The following VSTM2A variants were observed in gnomAD, a reference collection of about 807,000 sequenced individuals.
The protein encoded by VSTM2A is V-set and transmembrane domain-containing protein 2A.
In VSTM2A, 13 loss-of-function variants were observed where a neutral mutation model predicts 27.3. That is an observed-to-expected ratio of 0.48 (90% confidence interval 0.31 to 0.76). The LOEUF is 0.76. Among genes scored for constraint, VSTM2A ranks in the 30% least tolerant of loss-of-function variants. The probability of loss-of-function intolerance (pLI) is 0.05; values close to 1 mark genes in which losing one functional copy is unlikely to be tolerated. For missense variants in VSTM2A, 280 were observed against 310.0 expected (o/e 0.90, Z 0.73); for synonymous variants, 142 against 125.7 (o/e 1.13, Z -0.87).
At position 54,569,183 on chromosome 7, in the gene VSTM2A, A is replaced by T. The variant is rs1238538033; in HGVS notation, c.687A>T (p.Leu229=). ...KSTERTAKLT[L]NSKHHPAPTV... ...CGGAGCGGACAGCAAAGTTGACCCTAAACTCCAAGCACCACCCTGCACCCA... is the reference window on the plus strand; with the variant it reads ...CGGAGCGGACAGCAAAGTTGACCCTTAACTCCAAGCACCACCCTGCACCCA... The change falls in exon 5 of 5, where the codon CTA becomes CTT. Residue 229 remains leucine (L), a synonymous_variant. Coordinates refer to ENST00000402613, the MANE Select transcript of VSTM2A (RefSeq NM_001301009.2). 7.1e-6 allele frequency: 11 copies of T among 1,551,820 alleles called. No homozygotes were observed. The highest frequency in any genetic ancestry group is 9.6e-6 in the Non-Finnish European group (11 of 1,147,024).
chr7:54,548,239 T>C (rs1199141303), intron 3 of VSTM2A, among the ~76,000 whole-genome samples: 2 of 152,154 alleles, frequency 1.3e-5, no homozygotes, highest in Non-Finnish European at 2.9e-5. Flanking sequence ...GATGCATACA[T>C]TGAGAAACAT....
rs543949677 is a variant in VSTM2A at position 54,549,981 on chromosome 7, A to C, written c.445A>C (p.Asn149His). ...EHKAQAYLKV[N>H]ANSHARRMQA... is the part of the protein sequence containing the mutation. ...CAAGGCCCAGGCCTATCTGAAAGTC[A>C]ATGCCAACAGCCATGCCCGCAGAAT... The change falls in exon 4 of 5, where the codon AAT (asparagine) becomes CAT (histidine). Residue 149 changes from asparagine (N) to histidine (H), a missense_variant. Physicochemically the swap from Asn to His is moderately conservative, Grantham distance 68. Transcript: ENST00000402613. 151 of 1,613,460 alleles carry C rather than the reference A, an allele frequency of 9.4e-5. 4 individuals are homozygous for C. In the South Asian group the frequency reaches 1.6e-3, roughly 17 times the overall value.
chr7:54,546,534 CCG>C (rs1787978424), intron 2 of VSTM2A: 1 of 168,196 alleles, frequency 5.9e-6, no homozygotes, highest in African/African-American at 2.6e-5. Flanking sequence ...CCCCTGGCGC[CCG>C]CCCGCCTCAC....
chr7:54,551,429 C>T (rs1227171278), intron 4 of VSTM2A: 1 of 152,114 alleles, frequency 6.6e-6, no homozygotes, highest in Non-Finnish European at 1.5e-5. Flanking sequence ...AGATGAGCAA[C>T]TCTCCTGGCA....
chr7:54,556,810 A>G (rs1181272690), intron 4 of VSTM2A, among the ~76,000 whole-genome samples: 3 of 152,296 alleles, frequency 2.0e-5, no homozygotes, highest in Non-Finnish European at 4.4e-5. Flanking sequence ...GTTCAGAACT[A>G]TTTGGGCCTA....
At chr7:54,558,774 A>T (rs893498228) in intron 4 of VSTM2A, 2 of 152,140 alleles carry the variant, frequency 1.3e-5, no homozygotes, top group Admixed American at 1.3e-4. Context: ...ATATGATCAC[A>T]GTTTACAATA....
intron 3 of VSTM2A, among the ~76,000 whole-genome samples, chr7:54,548,933 A>G (rs914240618): frequency 4.5e-4 from 68 of 151,600 alleles, no homozygotes; most frequent in African/African-American, 1.6e-3. Flanking sequence ...CAAATGTCTT[A>G]TGAACCCTAT....
chr7:54,553,630 A>G (rs1022348750), intron 4 of VSTM2A, among the ~76,000 whole-genome samples: 27 of 152,284 alleles, frequency 1.8e-4, no homozygotes, highest in Admixed American at 1.5e-3. Context: ...GCAACCTGGA[A>G]GAAGGGACTT....
chr7:54,546,587 CG>C lies in VSTM2A; in HGVS notation c.247-357del, dbSNP rs1437248643. On this transcript the variant is annotated intron_variant, in intron 2 of 4. Transcript: ENST00000402613. ...GCCTGCCCGCCCGCCCACCCACCTC[CG>C]GGCGCGCGTCCGCACGGGTCAACCC... 290 of 191,898 alleles carry C rather than the reference CG, an allele frequency of 1.5e-3. 2 individuals carry two copies. The highest frequency in any genetic ancestry group is 1.6e-3 in the Non-Finnish European group (152 of 94,686). The allele number at this position is 191,898 out of a possible 1,614,324, so 11.9% of individuals were successfully genotyped here. A position where few individuals can be genotyped will look rare whatever the true frequency, so the allele number is the denominator to read the frequency against.
intron 4 of VSTM2A, among the ~76,000 whole-genome samples, chr7:54,566,515 A>G (rs1467153772): frequency 6.6e-6 from 1 of 152,370 alleles, no homozygotes; most frequent in African/African-American, 2.4e-5. Flanking sequence ...ACTAGCTATT[A>G]GGAACAGATA....
chr7:54,559,255 A>C (rs1473730303), intron 4 of VSTM2A: 2 of 152,096 alleles, frequency 1.3e-5, no homozygotes, highest in Non-Finnish European at 2.9e-5. Flanking sequence ...TTTTTTACAA[A>C]GTATGGTTGC....
intron 4 of VSTM2A, among the ~76,000 whole-genome samples, chr7:54,564,202 ATTTTT>A (rs1788652158): frequency 1.3e-5 from 2 of 152,216 alleles, no homozygotes; most frequent in South Asian, 4.1e-4. Flanking sequence ...GAGGATTTCC[ATTTTT>A]AGGTTTGTTG....
chr7:54,550,467 T>C (rs910677730), intron 4 of VSTM2A: 2 of 630,162 alleles, frequency 3.2e-6, no homozygotes, highest in Non-Finnish European at 4.9e-6. Context: ...AATCATGTAA[T>C]GTTGGTTACA....
chr7:54,542,488 A>T lies in VSTM2A; in HGVS notation c.-243A>T, dbSNP rs1787813315. On this transcript the variant is annotated 5_prime_UTR_variant, in exon 1 of 5. Coordinates refer to ENST00000402613, the MANE Select transcript of VSTM2A (RefSeq NM_001301009.2). Reference sequence around the variant, plus strand: ...GAAAGCAGGCAGCCAGGCAGCCGAGACACTTCCCAGCGATTCCAGCCTGGG... The same window carrying T: ...GAAAGCAGGCAGCCAGGCAGCCGAGTCACTTCCCAGCGATTCCAGCCTGGG... The T allele has an allele frequency of 5.7e-6, 3 of 529,454 alleles. No homozygotes were observed. The highest frequency in any genetic ancestry group is 9.9e-6 in the Non-Finnish European group (3 of 302,938). 32.8% of individuals were successfully genotyped at this position (529,454 alleles called of 1,614,324 possible).
chr7:54,544,576 C>CCT, intron 1 of VSTM2A, 46 bp from the exon 2 acceptor site: 2 of 1,610,836 alleles, frequency 1.2e-6, no homozygotes, highest in South Asian at 1.1e-5. Context: ...GAGACTCAGG[C>CCT]AAGAGGGGTG....
chr7:54,554,055 T>G (rs1174886333), intron 4 of VSTM2A: 1 of 1,552,468 alleles, frequency 6.4e-7, no homozygotes. Flanking sequence ...TGTGCAGAGC[T>G]GCGTGCTGGC....
At chr7:54,544,156 A>C (rs1330886318) in intron 1 of VSTM2A, among the ~76,000 whole-genome samples, 1 of 152,212 alleles carries the variant, frequency 6.6e-6, no homozygotes. Flanking sequence ...ATGTATCAGG[A>C]ATGTGCATTT....
intron 4 of VSTM2A, chr7:54,551,175 ACATCTCAGAAAT>A (rs904183318): frequency 3.9e-5 from 6 of 152,110 alleles, no homozygotes; most frequent in Admixed American, 3.9e-4. Context: ...ACACACACAC[ACATCTCAGAAAT>A]CATCCTAATC....
At chr7:54,547,833 A>G (rs35453063) in intron 3 of VSTM2A, among the ~76,000 whole-genome samples, 1 of 152,194 alleles carries the variant, frequency 6.6e-6, no homozygotes, top group African/African-American at 2.4e-5. Context: ...GGCTCTTACA[A>G]TAGCGTAAAG....
Sources: gnomAD v4.1 joint callset for allele counts (sites outside exome capture counted in the v4.1 genomes callset) on GRCh38, gnomAD v4.1.1 for gene constraint, MANE v1.5 for transcripts, NCBI Gene and HGNC (gene_info 2026-07-23, HGNC 2026-07-21) for gene names.